The following MCPH1 variants were observed in gnomAD, a reference collection of about 807,000 sequenced individuals.
MCPH1 encodes microcephalin.
Under a neutral mutation model 84.5 loss-of-function variants are expected in MCPH1, and 104 were observed. That is an observed-to-expected ratio of 1.23 (90% CI 1.05 to 1.45). MCPH1 has a LOEUF of 1.45. Among genes scored for constraint, MCPH1 ranks in the 40% most tolerant of loss-of-function variants. The pLI, the probability that MCPH1 is intolerant of heterozygous loss-of-function variation, is 0.00. For synonymous variants in MCPH1, 514 were observed against 366.8 expected, an observed-to-expected ratio of 1.40 and a Z score of -4.58; for missense variants, 1,498 against 1,005.7, an observed-to-expected ratio of 1.49 and a Z score of -6.62.
chr8:6,408,356 C>T (rs942348740), intron 1 of MCPH1, among the ~76,000 whole-genome samples: 1 of 151,984 alleles, frequency 6.6e-6, no homozygotes, highest in Non-Finnish European at 1.5e-5. Flanking sequence ...ACAGGCACTA[C>T]CACGCCCGGT....
intron 1 of MCPH1, 24 bp downstream of exon 1, chr8:6,406,713 T>C: frequency 3.7e-6 from 6 of 1,611,090 alleles, no homozygotes; most frequent in Non-Finnish European, 5.1e-6. Context: ...TGCTGCCTGC[T>C]CCAGCAGCGG....
chr8:6,414,480 A>G (rs536002366), intron 2 of MCPH1, among the ~76,000 whole-genome samples: 102 of 152,306 alleles, frequency 6.7e-4, no homozygotes, highest in African/African-American at 2.4e-3. Context: ...GTGCCTTCTC[A>G]TGGCCACATT....
chr8:6,455,336 G>C (rs1225616754), intron 9 of MCPH1, 84 bp downstream of exon 9: 1 of 980,154 alleles, frequency 1.0e-6, no homozygotes, highest in African/African-American at 1.6e-5. Flanking sequence ...ACATAAACCA[G>C]TCTATCTGAC....
At chr8:6,417,976 A>G (rs1799561609) in intron 3 of MCPH1, among the ~76,000 whole-genome samples, 1 of 152,192 alleles carries the variant, frequency 6.6e-6, no homozygotes. Flanking sequence ...TTAAAATGAA[A>G]CGCACACTGT....
At chr8:6,599,543 C>T (rs1829205423) in intron 12 of MCPH1, among the ~76,000 whole-genome samples, 1 of 152,166 alleles carries the variant, frequency 6.6e-6, no homozygotes, top group Admixed American at 6.5e-5. Context: ...ATTATAGGAA[C>T]AGGGCTTGAT....
At chr8:6,453,562 T>C (rs773887061) in intron 8 of MCPH1, among the ~76,000 whole-genome samples, 4 of 152,172 alleles carry the variant, frequency 2.6e-5, no homozygotes, top group Non-Finnish European at 2.9e-5. Flanking sequence ...AGCTGCAAAT[T>C]TATTCATGAC....
chr8:6,547,376 A>G (rs532864148), intron 12 of MCPH1, among the ~76,000 whole-genome samples: 2 of 152,068 alleles, frequency 1.3e-5, no homozygotes, highest in Non-Finnish European at 2.9e-5. Flanking sequence ...TGCCTTGCAT[A>G]TGTGTCTCTT....
chr8:6,636,464 T>C (rs962493948), intron 13 of MCPH1, among the ~76,000 whole-genome samples: 1 of 152,188 alleles, frequency 6.6e-6, no homozygotes, highest in African/African-American at 2.4e-5. Context: ...ACACAGACTT[T>C]GTTTCATGCA....
At chr8:6,520,843 C>G (rs1303671026) in intron 12 of MCPH1, among the ~76,000 whole-genome samples, 2 of 152,176 alleles carry the variant, frequency 1.3e-5, no homozygotes, top group African/African-American at 2.4e-5. Flanking sequence ...TCCCATGGGT[C>G]TGATATTATT....
rs1234391311 is a variant in MCPH1 at position 6,480,947 on chromosome 8, G to T, written c.2136+71G>T. The T allele has an allele frequency of 6.4e-6, 10 of 1,553,820 alleles. No homozygotes were observed. In the African/African-American group the frequency reaches 1.2e-4, roughly 19 times the overall value. On this transcript the variant is annotated intron_variant, in intron 11 of 13. Transcript: ENST00000344683. ...ATAGAGTGGGTCACCCTGAGGTGCC[G>T]ACATCAGCACTCAGGCCGGCGTGCA...
intron 13 of MCPH1, among the ~76,000 whole-genome samples, chr8:6,641,474 G>A (rs773304521): frequency 9.9e-5 from 15 of 152,184 alleles, no homozygotes; most frequent in Non-Finnish European, 2.1e-4. Flanking sequence ...AGGTGTGGTG[G>A]GTTATGTCTA....
chr8:6,609,441 T>A (rs1010462762), intron 12 of MCPH1, among the ~76,000 whole-genome samples: 5 of 152,234 alleles, frequency 3.3e-5, no homozygotes, highest in African/African-American at 4.8e-5. Context: ...TATGTTCCCA[T>A]CACTTATGTA....
chr8:6,599,907 C>G (rs189682002), intron 12 of MCPH1, among the ~76,000 whole-genome samples: 3 of 152,304 alleles, frequency 2.0e-5, no homozygotes, highest in Admixed American at 2.0e-4. Flanking sequence ...CAATAACTTG[C>G]TTCAATGCAA....
At chr8:6,598,597 G>C (rs991199598) in intron 12 of MCPH1, among the ~76,000 whole-genome samples, 4 of 152,212 alleles carry the variant, frequency 2.6e-5, no homozygotes, top group African/African-American at 9.7e-5. Context: ...AACACCCAAG[G>C]CTTTCCAAAA....
intron 12 of MCPH1, among the ~76,000 whole-genome samples, chr8:6,600,813 G>T (rs1300774615): frequency 6.6e-6 from 1 of 152,286 alleles, no homozygotes; most frequent in East Asian, 1.9e-4. Context: ...GAGGCCTTCA[G>T]TTCCTTTACA....
intron 13 of MCPH1, chr8:6,642,537 G>A: frequency 4.6e-6 from 1 of 217,994 alleles, no homozygotes; most frequent in South Asian, 8.0e-5. Flanking sequence ...TACCTATGCT[G>A]GGTAGATAGG....
chr8:6,461,232 T>G (rs1806247504), intron 9 of MCPH1, among the ~76,000 whole-genome samples: 1 of 152,142 alleles, frequency 6.6e-6, no homozygotes, highest in African/African-American at 2.4e-5. Flanking sequence ...ATGCCCATTT[T>G]TAATGGCAAA....
chr8:6,445,809 T>G (rs1483514433), intron 8 of MCPH1: 1 of 1,240,226 alleles, frequency 8.1e-7, no homozygotes, highest in Non-Finnish European at 1.0e-6. Context: ...GTCAAAAGGA[T>G]AAGTAGTCCA....
intron 9 of MCPH1, among the ~76,000 whole-genome samples, chr8:6,464,745 C>A (rs894517004): frequency 6.6e-6 from 1 of 152,238 alleles, no homozygotes; most frequent in Non-Finnish European, 1.5e-5. Flanking sequence ...CGCCTATAAT[C>A]CCAGCACTTT....
Sources: gnomAD v4.1 joint callset for allele counts (sites outside exome capture counted in the v4.1 genomes callset) on GRCh38, gnomAD v4.1.1 for gene constraint, MANE v1.5 for transcripts, NCBI Gene and HGNC (gene_info 2026-07-23, HGNC 2026-07-21) for gene names.